The following IRAG1 variants were observed in gnomAD, a reference collection of about 807,000 sequenced individuals.
IRAG1 encodes inositol 1,4,5-triphosphate receptor associated 1, also known as IP3R-associated cGMP kinase substrate.
A neutral mutation model predicts 106.2 loss-of-function variants in IRAG1; 62 were observed. The ratio of observed to expected loss-of-function variants is 0.58; its 90% CI spans 0.48 to 0.72. The LOEUF is 0.72. Ranked by LOEUF, IRAG1 falls within the 30% of genes least tolerant of loss-of-function variation. The pLI is 0.00. For missense variants in IRAG1, 1,064 were observed against 1,140.7 expected, an observed-to-expected ratio of 0.93 and a Z score of 0.97; for synonymous variants, 462 against 443.9, an observed-to-expected ratio of 1.04 and a Z score of -0.51.
At chr11:10,609,921 A>G in intron 10 of IRAG1, 70 bp from the exon 11 acceptor site, 1 of 1,496,956 alleles carries the variant, frequency 6.7e-7, no homozygotes, top group Non-Finnish European at 9.1e-7. Context: ...AGCTAGCTTC[A>G]GGAGCTTTGA....
chr11:10,637,259 C>T (rs1035692), intron 2 of IRAG1, among the ~76,000 whole-genome samples: 150,484 of 152,244 alleles, frequency 0.99, 74,381 homozygotes, highest in East Asian at 1. Context: ...AAACCTAGAG[C>T]TGGCCAAGAG....
chr11:10,672,725 A>G (rs1450276570), intron 1 of IRAG1, among the ~76,000 whole-genome samples: 1 of 152,248 alleles, frequency 6.6e-6, no homozygotes, highest in African/African-American at 2.4e-5. Flanking sequence ...GCTGGTAGAA[A>G]TGTAAAATGG....
At chr11:10,635,705 A>G (rs951635878) in intron 2 of IRAG1, among the ~76,000 whole-genome samples, 2 of 152,140 alleles carry the variant, frequency 1.3e-5, no homozygotes, top group Non-Finnish European at 2.9e-5. Flanking sequence ...TTTTTAGTGA[A>G]CCCAGCTTTT....
At chr11:10,679,981 A>G (rs926281952) in intron 1 of IRAG1, among the ~76,000 whole-genome samples, 36 of 151,288 alleles carry the variant, frequency 2.4e-4, no homozygotes, top group African/African-American at 8.5e-4. Context: ...CCTCTTTAAA[A>G]CTCCACTCTG....
chr11:10,631,062 T>C (rs766435178), intron 4 of IRAG1, among the ~76,000 whole-genome samples: 3 of 152,210 alleles, frequency 2.0e-5, no homozygotes, highest in Non-Finnish European at 2.9e-5. Flanking sequence ...CTACCATGTG[T>C]TGAAGAGTCT....
chr11:10,683,834 A>G (rs980635755), intron 1 of IRAG1, among the ~76,000 whole-genome samples: 3 of 152,080 alleles, frequency 2.0e-5, no homozygotes, highest in Admixed American at 1.3e-4. Context: ...AGCACATAGA[A>G]TCATGACCAA....
At chr11:10,662,046 A>T (rs752071244) in intron 1 of IRAG1, among the ~76,000 whole-genome samples, 32 of 152,218 alleles carry the variant, frequency 2.1e-4, no homozygotes, top group Non-Finnish European at 1.8e-4. Context: ...AACACAGAAT[A>T]GGCATTCACT....
At chr11:10,669,523 T>G (rs1455688701) in intron 1 of IRAG1, among the ~76,000 whole-genome samples, 1 of 152,204 alleles carries the variant, frequency 6.6e-6, no homozygotes, top group Admixed American at 6.5e-5. Context: ...TGCCTTTTCT[T>G]GAGGCTTAAG....
At chr11:10,594,350 C>T (rs985937352) in intron 15 of IRAG1, 155 bp from the exon 16 acceptor site, 5 of 632,500 alleles carry the variant, frequency 7.9e-6, no homozygotes, top group South Asian at 6.5e-5. Flanking sequence ...TTTGGCACTT[C>T]ATCCTTTGAG....
At chr11:10,672,835 T>C (rs1481640098) in intron 1 of IRAG1, among the ~76,000 whole-genome samples, 3 of 152,114 alleles carry the variant, frequency 2.0e-5, no homozygotes, top group African/African-American at 7.2e-5. Flanking sequence ...CCAAGAGAAA[T>C]GAAAATGTAT....
Position 10,593,556 on chromosome 11 carries a change from A to G in IRAG1, c.2111T>C (p.Phe704Ser), listed in dbSNP as rs754999472. The G allele has an allele frequency of 2.9e-5, 46 of 1,613,730 alleles. No individual in the cohort carries two copies. The highest frequency in any genetic ancestry group is 3.6e-5 in the Non-Finnish European group (42 of 1,179,806). The stretch of plus-strand genomic sequence containing the variant: ...TTGGCCAGGCAGATTCAGGGCATTA[A>G]ACTTAGGAACCACAGCAACGCTGAC... The part of the protein sequence containing the change: ...RRVSVAVVPK[F>S]NALNLPGQTP... Residue 704 changes from phenylalanine (F) to serine (S), a missense_variant, in exon 17 of 21, where the codon TTT becomes TCT. Transcript: ENST00000423302.
chr11:10,599,989 C>G (rs1345433134), intron 15 of IRAG1: 1 of 152,218 alleles, frequency 6.6e-6, no homozygotes, highest in Non-Finnish European at 1.5e-5. Context: ...GGCGTGTGGC[C>G]CTGGTCAACC....
chr11:10,685,726 G>GAAAAAA (rs11403147), intron 1 of IRAG1, among the ~76,000 whole-genome samples: 1 of 135,798 alleles, frequency 7.4e-6, no homozygotes, highest in African/African-American at 2.9e-5. Context: ...TGCCTCTCTT[G>GAAAAAA]AAAAAAAAAA....
At chr11:10,607,086 A>G (rs915971315) in intron 11 of IRAG1, among the ~76,000 whole-genome samples, 1 of 146,640 alleles carries the variant, frequency 6.8e-6, no homozygotes, top group African/African-American at 2.8e-5. Context: ...TCATGTATGT[A>G]TGTGTATGTG....
At chr11:10,580,017 C>G (rs1851231267) in intron 20 of IRAG1, among the ~76,000 whole-genome samples, 1 of 152,226 alleles carries the variant, frequency 6.6e-6, no homozygotes. Context: ...CGTGTGTCCT[C>G]CCTGTCCCTG....
Position 10,603,222 on chromosome 11 carries a change from C to G in IRAG1, c.1773G>C (p.Glu591Asp), listed in dbSNP as rs1465805468. Residue 591 changes from glutamate (E) to aspartate (D), a missense_variant, in exon 14 of 21, where the codon GAG (glutamate) becomes GAC (aspartate). Coordinates refer to ENST00000423302, the MANE Select transcript of IRAG1 (RefSeq NM_130385.4). The part of the protein sequence containing the change: ...TSSASLWHHC[E>D]HRETYQKLLE... ...GCAACTTCTGGTAGGTTTCCCGGTG[C>G]TCACAGTGGTGCCAGAGTGAAGCTG... is the stretch of plus-strand genomic sequence containing the variant. The G allele has an allele frequency of 6.2e-7, 1 of 1,613,404 alleles. No individual in the cohort carries two copies. Among genetic ancestry groups the G allele is most frequent in the South Asian group, 1.1e-5 (1 of 91,030 alleles).
rs1248084846 is a variant in IRAG1, at chr11:10,627,718, G to T, written c.748C>A (p.Pro250Thr). 6.2e-7 allele frequency: 1 copy of T among 1,613,998 alleles called. No individual in the cohort carries two copies. The highest frequency in any genetic ancestry group is 8.5e-7 in the Non-Finnish European group (1 of 1,179,890). Residue 250 changes from proline (P) to threonine (T), a missense_variant and splice_region_variant, in exon 8 of 21, where the codon CCT (proline) becomes ACT (threonine). By Grantham distance (38) the Pro-to-Thr change is conservative. Transcript: ENST00000423302. ...AAGGGAGCAAAGCTCAAACTCACAG[G>T]CTCGCCAGGGTGAGGTGAAGAGACG... Reference protein sequence around the residue: ...ADVSSPHPGEPNVPKGLADRK... With the variant: ...ADVSSPHPGETNVPKGLADRK...
At chr11:10,605,670 G>A (rs1480111583) in intron 12 of IRAG1, among the ~76,000 whole-genome samples, 3 of 152,172 alleles carry the variant, frequency 2.0e-5, no homozygotes, top group Admixed American at 2.0e-4. Context: ...CATGCCGAGA[G>A]CTGTGTCCAT....
chr11:10,624,290 G>A (rs970776043), intron 9 of IRAG1, among the ~76,000 whole-genome samples: 8 of 152,290 alleles, frequency 5.3e-5, no homozygotes, highest in Admixed American at 3.9e-4. Context: ...GGATCTTCCT[G>A]CCCTGTCATT....
Sources: gnomAD v4.1 joint callset for allele counts (sites outside exome capture counted in the v4.1 genomes callset) on GRCh38, gnomAD v4.1.1 for gene constraint, MANE v1.5 for transcripts, NCBI Gene and HGNC (gene_info 2026-07-23, HGNC 2026-07-21) for gene names.